The following SEC63 variants were observed in gnomAD, a reference collection of about 807,000 sequenced individuals.
The protein encoded by SEC63 is SEC63 protein translocation regulator.
SEC63 carries 56 observed loss-of-function variants against 116.2 expected under a neutral mutation model. The ratio of observed to expected loss-of-function variants is 0.48; its 90% CI spans 0.39 to 0.60. The LOEUF (loss-of-function observed/expected upper bound fraction) is 0.60. Among genes scored for constraint, SEC63 ranks in the 20% least tolerant of loss-of-function variants. The pLI is 0.00. For synonymous variants in SEC63, 273 were observed against 294.6 expected (o/e 0.93, Z 0.75); for missense variants, 668 against 900.0 (o/e 0.74, Z 3.30).
Position 107,871,710 on chromosome 6 carries a change from A to G in SEC63, c.2277T>C (p.Asp759=), listed in dbSNP as rs746497044. 2 of 1,612,478 alleles carry G rather than the reference A, an allele frequency of 1.2e-6. No individual in the cohort carries two copies. Among genetic ancestry groups the G allele is most frequent in the South Asian group, 1.1e-5 (1 of 91,010 alleles). ...FEEEEEEEED[D]D is the part of the protein sequence containing the mutation. ...GGTCCATTCAGAGTACTGCTTAGTC[A>G]TCATCTTCTTCTTCCTCCTCTTCTT... is the stretch of plus-strand genomic sequence containing the variant. The change falls in exon 21 of 21, where the codon GAT becomes GAC. Residue 759 remains aspartate, a synonymous_variant. Transcript: ENST00000369002.
At chr6:107,893,763 A>C in intron 15 of SEC63, 75 bp downstream of exon 15, 3 of 1,598,870 alleles carry the variant, frequency 1.9e-6, no homozygotes. Context: ...TCCCAGAGCA[A>C]TATAAGTCAA....
intron 5 of SEC63, 70 bp from the exon 6 acceptor site, chr6:107,912,844 T>C: frequency 8.8e-7 from 1 of 1,132,886 alleles, no homozygotes; most frequent in Non-Finnish European, 1.3e-6. Context: ...TTAAATATAT[T>C]TGGGATCTAT....
At position 107,876,559 on chromosome 6, in the gene SEC63, G is replaced by A. The variant is rs1269528592; in HGVS notation, c.2034+5C>T. On this transcript the variant is annotated splice_donor_5th_base_variant and intron_variant, in intron 19 of 20. Coordinates refer to ENST00000369002, the MANE Select transcript of SEC63 (RefSeq NM_007214.5). ...AACACTGAAATCATGTTGCTTGATA[G>A]TTACCTCCTCTGTATCTTTCAGCGT... 1.3e-6 allele frequency: 2 copies of A among 1,536,670 alleles called. No individual in the cohort carries two copies. The highest frequency in any genetic ancestry group is 1.7e-5 in the Admixed American group (1 of 59,278).
At chr6:107,953,748 G>C (rs1297218051) in intron 1 of SEC63, among the ~76,000 whole-genome samples, 9 of 145,580 alleles carry the variant, frequency 6.2e-5, no homozygotes, top group Non-Finnish European at 9.2e-5. Flanking sequence ...GGGAGGTGGG[G>C]GGTTCAGCCC....
Position 107,939,318 on chromosome 6 carries a change from C to T in SEC63, c.125-9804G>A, listed in dbSNP as rs536385841. Among the ~76,000 whole-genome samples the T allele has an allele frequency of 2.5e-4, 38 of 152,174 alleles. No homozygotes were observed. In the Middle Eastern group the frequency reaches 0.01, roughly 41 times the overall value. On this transcript the variant is annotated intron_variant, in intron 1 of 20. Transcript: ENST00000369002. ...AACAACTAAAACTTATTTTTGAAAA[C>T]AAAAAGTACACTTCTGCCAGTATGG...
intron 1 of SEC63, among the ~76,000 whole-genome samples, chr6:107,936,661 G>C (rs535750806): frequency 6.6e-6 from 1 of 152,250 alleles, no homozygotes; most frequent in East Asian, 1.9e-4. Context: ...AAAGCTGCAG[G>C]GATAATCTAG....
rs749925664 is a variant in SEC63 at position 107,883,052 on chromosome 6, T to C, written c.1769A>G (p.Asp590Gly). The C allele has an allele frequency of 2.5e-6, 4 of 1,613,322 alleles. No individual in the cohort carries two copies. Among genetic ancestry groups the C allele is most frequent in the South Asian group, 2.2e-5 (2 of 91,074 alleles). ...ETNRDSQSEKDDGSDRDSDRE... is the reference protein window; with the variant it reads ...ETNRDSQSEKGDGSDRDSDRE... Reference sequence around the variant, plus strand: ...ATCAGAGTCTCTGTCACTACCATCATCTTTCTCACTTTGGGAATCTCTATT... The same window carrying C: ...ATCAGAGTCTCTGTCACTACCATCACCTTTCTCACTTTGGGAATCTCTATT... Residue 590 changes from aspartate to glycine, a missense_variant, in exon 17 of 21, where the codon GAT becomes GGT. By Grantham distance (94) the Asp-to-Gly change is moderately conservative (BLOSUM62 -1). Around this residue, in one of 5 missense-constraint regions of SEC63, gnomAD observed 430 missense variants for 557.5 expected, o/e 0.77. Coordinates refer to ENST00000369002, the MANE Select transcript of SEC63 (RefSeq NM_007214.5).
At chr6:107,874,357 G>A (rs1394631696) in intron 19 of SEC63, among the ~76,000 whole-genome samples, 2 of 152,172 alleles carry the variant, frequency 1.3e-5, no homozygotes, top group Admixed American at 6.5e-5. Flanking sequence ...CACTTTGGGA[G>A]GCCAAGGCGG....
At chr6:107,925,195 G>A (rs1465554357) in intron 2 of SEC63, among the ~76,000 whole-genome samples, 1 of 151,978 alleles carries the variant, frequency 6.6e-6, no homozygotes, top group African/African-American at 2.4e-5. Flanking sequence ...ATACAGAAGT[G>A]AATTCAACTT....
chr6:107,926,933 C>A (rs994425705), intron 2 of SEC63, among the ~76,000 whole-genome samples: 20 of 152,106 alleles, frequency 1.3e-4, no homozygotes, highest in African/African-American at 4.8e-4. Context: ...TCCTGAGAGC[C>A]AAAGCAAAGA....
intron 16 of SEC63, among the ~76,000 whole-genome samples, chr6:107,886,800 T>C (rs1209794227): frequency 1.3e-5 from 2 of 152,058 alleles, no homozygotes; most frequent in Non-Finnish European, 2.9e-5. Context: ...TCTCCCATTC[T>C]GTGGGTTGCC....
rs1787065502 is a variant in SEC63 at position 107,903,750 on chromosome 6, A to G, written c.1055-752T>C. Among the ~76,000 whole-genome samples, 2 of 152,220 alleles carry G rather than the reference A, an allele frequency of 1.3e-5. 1 individual carries two copies. The highest frequency in any genetic ancestry group is 1.3e-4 in the Admixed American group (2 of 15,280). Reference sequence around the variant, plus strand: ...TGAATCACTTTTATATCAGTTAAAGATTTCAAATTCACTGTTAGAAAAAAT... The same window carrying G: ...TGAATCACTTTTATATCAGTTAAAGGTTTCAAATTCACTGTTAGAAAAAAT... On this transcript the variant is annotated intron_variant, in intron 11 of 20. Transcript: ENST00000369002.
At chr6:107,912,659 T>C in intron 6 of SEC63, 57 bp downstream of exon 6, 1 of 1,014,074 alleles carries the variant, frequency 9.9e-7, no homozygotes. Context: ...AGACAGATTG[T>C]ACATAACAAA....
intron 19 of SEC63, among the ~76,000 whole-genome samples, chr6:107,874,105 T>C (rs1395856947): frequency 6.6e-6 from 1 of 152,098 alleles, no homozygotes. Context: ...TGAGCAACCT[T>C]AATTAATATC....
Position 107,883,094 on chromosome 6 carries a change from G to C in SEC63, c.1727C>G (p.Ser576Cys). The C allele has an allele frequency of 1.2e-6, 2 of 1,612,408 alleles. No individual in the cohort carries two copies. The highest frequency in any genetic ancestry group is 1.7e-6 in the Non-Finnish European group (2 of 1,179,176). Residue 576 changes from serine to cysteine, a missense_variant, in exon 17 of 21, where the codon TCT (serine) becomes TGT (cysteine). Physicochemically the swap from Ser to Cys is moderately radical, Grantham distance 112. Coordinates refer to ENST00000369002, the MANE Select transcript of SEC63 (RefSeq NM_007214.5). ...ATCTCTATTGGTTTCTTCTTCTTCA[G>C]AATCACTGCCCTTATCTGAAACTTC... is the stretch of plus-strand genomic sequence containing the variant. ...EEEVSDKGSD[S>C]EEEETNRDSQ...
Position 107,913,373 on chromosome 6 carries a change from C to T in SEC63, c.507G>A (p.Gly169=), listed in dbSNP as rs759412498. Residue 169 remains glycine (G), a synonymous_variant, in exon 5 of 21, where the codon GGG becomes GGA. Transcript: ENST00000369002. ...KNWEEFGNPD[G]PQATSFGIAL... ...AATCATCATTTACCACACCTTGAGG[C>T]CCATCTGGATTTCCAAATTCTTCCC... is the stretch of plus-strand genomic sequence containing the variant. 6.3e-6 allele frequency: 10 copies of T among 1,597,290 alleles called. No individual in the cohort carries two copies. The South Asian group carries it at 8.8e-5, about 14-fold the overall frequency.
In SEC63 at chr6:107,867,786, T is replaced by C. The variant is rs1196946456; in HGVS notation, c.*3918A>G. On this transcript the variant is annotated 3_prime_UTR_variant, in exon 21 of 21. Transcript: ENST00000369002. ...GCACCAATAAATGTTTATTTATAAATAATAGAAGTGTACAATTGTACAATA... is the reference window on the plus strand; with the variant it reads ...GCACCAATAAATGTTTATTTATAAACAATAGAAGTGTACAATTGTACAATA... 2 of 151,732 alleles carry C rather than the reference T, an allele frequency of 1.3e-5. No individual in the cohort carries two copies. Among genetic ancestry groups the C allele is most frequent in the Middle Eastern group, 6.8e-3 (2 of 294 alleles). The allele number at this position is 151,732 out of a possible 1,614,324, so 9.4% of individuals were successfully genotyped here.
At chr6:107,903,768 G>GA (rs992369078) in intron 11 of SEC63, among the ~76,000 whole-genome samples, 3 of 152,142 alleles carry the variant, frequency 2.0e-5, no homozygotes, top group East Asian at 3.9e-4. Context: ...TTCACTGTTA[G>GA]AAAAAATGAC....
chr6:107,926,437 T>C (rs1787678819), intron 2 of SEC63, among the ~76,000 whole-genome samples: 1 of 152,114 alleles, frequency 6.6e-6, no homozygotes, highest in African/African-American at 2.4e-5. Context: ...TTTTAAATCA[T>C]GATCATGGCT....
Sources: gnomAD v4.1 joint callset for allele counts (sites outside exome capture counted in the v4.1 genomes callset) on GRCh38, gnomAD v4.1.1 for gene constraint, gnomAD v4.1.1 regional missense constraint, MANE v1.5 for transcripts, NCBI Gene and HGNC (gene_info 2026-07-23, HGNC 2026-07-21) for gene names.